Variants in FGF14 observed in about 807,000 individuals in gnomAD.
The protein encoded by FGF14 is fibroblast growth factor homologous factor 4.
In FGF14, 5 loss-of-function variants were observed where a neutral mutation model predicts 25.5. The observed-to-expected ratio is 0.20, with a 90% CI of 0.10 to 0.41. The LOEUF (loss-of-function observed/expected upper bound fraction) is 0.41, where lower values mean the gene tolerates loss of function less well. Among genes scored for constraint, FGF14 ranks in the 10% least tolerant of loss-of-function variants. The probability of loss-of-function intolerance (pLI) is 1.00; values close to 1 mark genes in which losing one functional copy is unlikely to be tolerated. For synonymous variants in FGF14, 138 were observed against 118.3 expected, an observed-to-expected ratio of 1.17 and a Z score of -1.08; for missense variants, 222 against 320.1, an observed-to-expected ratio of 0.69 and a Z score of 2.34.
chr13:102,241,010 G>A (rs1279138599), intron 1 of FGF14, among the ~76,000 whole-genome samples: 3 of 152,106 alleles, frequency 2.0e-5, no homozygotes, highest in African/African-American at 7.2e-5. Context: ...GTGGCAGAGG[G>A]TGGGGGGAAT....
At chr13:102,289,501 G>T (rs1237033393) in intron 1 of FGF14, among the ~76,000 whole-genome samples, 2 of 152,114 alleles carry the variant, frequency 1.3e-5, no homozygotes, top group African/African-American at 2.4e-5. Flanking sequence ...AAAAGAATAA[G>T]GATGGCTATG....
At chr13:101,964,470 G>A (rs1307103680) in intron 1 of FGF14, among the ~76,000 whole-genome samples, 1 of 152,158 alleles carries the variant, frequency 6.6e-6, no homozygotes, top group African/African-American at 2.4e-5. Flanking sequence ...CTTTGCAAGG[G>A]CTGAGGACTT....
chr13:102,272,857 AC>A (rs2053318895), intron 1 of FGF14, among the ~76,000 whole-genome samples: 2 of 152,198 alleles, frequency 1.3e-5, no homozygotes, highest in Non-Finnish European at 2.9e-5. Context: ...TAACCACTGT[AC>A]TATGTACATC....
chr13:102,117,905 G>T lies in FGF14; in HGVS notation c.209-242609C>A, dbSNP rs573974325. On this transcript the variant is annotated intron_variant, in intron 1 of 4. Coordinates refer to the FGF14 transcript ENST00000376131. The stretch of plus-strand genomic sequence containing the variant: ...GGTTACTAAGTAGAAAGAAAAATGG[G>T]CAGAGAGGCTAGGGAAAGAAATAAT... Among the ~76,000 whole-genome samples the T allele has an allele frequency of 5.3e-5, 8 of 152,254 alleles. No homozygotes were observed. In the East Asian group the frequency reaches 1.5e-3, roughly 29 times the overall value.
At chr13:101,986,157 A>T (rs755510092) in intron 1 of FGF14, among the ~76,000 whole-genome samples, 13 of 152,146 alleles carry the variant, frequency 8.5e-5, no homozygotes, top group Non-Finnish European at 1.5e-4. Flanking sequence ...TTAATAAACC[A>T]CTATTACCTG....
At chr13:101,814,341 G>A (rs541293604) in intron 3 of FGF14, among the ~76,000 whole-genome samples, 9 of 152,190 alleles carry the variant, frequency 5.9e-5, no homozygotes, top group Non-Finnish European at 1.2e-4. Context: ...GGAAGAAAGA[G>A]AATGTAACTG....
upstream of FGF14, among the ~76,000 whole-genome samples, chr13:101,921,098 AAGGC>A (rs1395488069): frequency 1.3e-5 from 2 of 152,158 alleles, no homozygotes; most frequent in Non-Finnish European, 2.9e-5. Flanking sequence ...GCTAAAGAGT[AAGGC>A]ATGAGCCACC....
chr13:102,155,075 C>A (rs1458804543), intron 1 of FGF14, among the ~76,000 whole-genome samples: 1 of 152,140 alleles, frequency 6.6e-6, no homozygotes, highest in African/African-American at 2.4e-5. Flanking sequence ...GAGACTTTAA[C>A]ACCCCACTGT....
At chr13:101,780,583 A>G (rs568768874) in intron 3 of FGF14, among the ~76,000 whole-genome samples, 1 of 152,302 alleles carries the variant, frequency 6.6e-6, no homozygotes, top group South Asian at 2.1e-4. Flanking sequence ...ATGACAGTGT[A>G]TAATGACACA....
chr13:102,240,872 T>A (rs1335883275), intron 1 of FGF14, among the ~76,000 whole-genome samples: 1 of 151,990 alleles, frequency 6.6e-6, no homozygotes, highest in Non-Finnish European at 1.5e-5. Context: ...TTTAAAAAAA[T>A]TATCAAAATA....
At chr13:101,734,421 C>T (rs2036034252) in intron 3 of FGF14, among the ~76,000 whole-genome samples, 1 of 152,098 alleles carries the variant, frequency 6.6e-6, no homozygotes, top group South Asian at 2.1e-4. Context: ...AAAAATGTGT[C>T]CCAACTTGTT....
intron 1 of FGF14, among the ~76,000 whole-genome samples, chr13:102,127,706 C>T (rs2046007023): frequency 6.6e-6 from 1 of 152,186 alleles, no homozygotes; most frequent in Non-Finnish European, 1.5e-5. Flanking sequence ...TAGATTCCTT[C>T]TAGGAAAGGC....
rs150037608 is a variant in FGF14 at position 102,039,185 on chromosome 13, T to C, written c.209-163889A>G. Among the ~76,000 whole-genome samples, 29 of 152,334 alleles carry C rather than the reference T, an allele frequency of 1.9e-4. No homozygotes were observed. The East Asian group carries it at 5.6e-3, about 29-fold the overall frequency. On this transcript the variant is annotated intron_variant, in intron 1 of 4. Transcript: ENST00000376131. ...ATTCTGATATCTTCACTCTATTTTGTTGCTGTCAATAATTAAAGAGAAGCT... is the reference window on the plus strand; with the variant it reads ...ATTCTGATATCTTCACTCTATTTTGCTGCTGTCAATAATTAAAGAGAAGCT...
intron 4 of FGF14, 66 bp from the exon 5 acceptor site, chr13:101,723,033 C>A (rs2035100947): frequency 6.3e-7 from 1 of 1,583,198 alleles, no homozygotes; most frequent in Non-Finnish European, 8.7e-7. Flanking sequence ...AATGGTCCAT[C>A]CATACCTGCA....
chr13:101,790,491 AG>A (rs1377749605), intron 3 of FGF14, among the ~76,000 whole-genome samples: 1 of 151,326 alleles, frequency 6.6e-6, no homozygotes, highest in Non-Finnish European at 1.5e-5. Flanking sequence ...TGTGATGGGA[AG>A]GAGGGAAGGT....
intron 3 of FGF14, among the ~76,000 whole-genome samples, chr13:101,785,703 A>G (rs904150155): frequency 8.5e-5 from 13 of 152,312 alleles, no homozygotes; most frequent in Middle Eastern, 3.4e-3. Flanking sequence ...AGCTGGCTCT[A>G]TAGTATTATA....
At chr13:102,394,666 G>A (rs917626617) in intron 1 of FGF14, 13 of 152,278 alleles carry the variant, frequency 8.5e-5, no homozygotes, top group African/African-American at 3.1e-4. Context: ...GGCTGGGAGC[G>A]CGGTGATGGC....
chr13:101,970,464 C>T (rs1020243474), intron 1 of FGF14, among the ~76,000 whole-genome samples: 5 of 152,146 alleles, frequency 3.3e-5, no homozygotes, highest in South Asian at 2.1e-4. Flanking sequence ...GATCTGCTTC[C>T]GCTCAGAAAA....
At chr13:101,867,650 G>A (rs887202646) in intron 3 of FGF14, among the ~76,000 whole-genome samples, 1 of 152,040 alleles carries the variant, frequency 6.6e-6, no homozygotes, top group Non-Finnish European at 1.5e-5. Context: ...TGATCCTGCT[G>A]GCAACATGCT....
Sources: gnomAD v4.1 joint callset for allele counts (sites outside exome capture counted in the v4.1 genomes callset) on GRCh38, gnomAD v4.1.1 for gene constraint, MANE v1.5 for transcripts, NCBI Gene and HGNC (gene_info 2026-07-23, HGNC 2026-07-21) for gene names.